Variants in TXK observed in about 807,000 individuals in gnomAD.
TXK encodes TXK tyrosine kinase, also known as tyrosine-protein kinase TXK.
In TXK, 60 loss-of-function variants were observed where a neutral mutation model predicts 81.0. That is an observed-to-expected ratio of 0.74 (90% CI 0.60 to 0.92). The LOEUF is 0.92. Among genes scored for constraint, TXK ranks in the 40% least tolerant of loss-of-function variants. The pLI is 0.00. For missense variants in TXK, 581 were observed against 638.3 expected, an observed-to-expected ratio of 0.91 and a Z score of 0.97; for synonymous variants, 203 against 210.7, an observed-to-expected ratio of 0.96 and a Z score of 0.32.
At chr4:48,127,871 A>G (rs933539637) in intron 1 of TXK, among the ~76,000 whole-genome samples, 3 of 152,128 alleles carry the variant, frequency 2.0e-5, no homozygotes, top group Non-Finnish European at 4.4e-5. Flanking sequence ...GTCCTCTAGG[A>G]GAGGCTCCTA....
chr4:48,111,525 T>C (rs546893308), intron 4 of TXK, among the ~76,000 whole-genome samples: 8 of 152,324 alleles, frequency 5.3e-5, no homozygotes, highest in Admixed American at 3.9e-4. Context: ...ATGCCAATAG[T>C]ATACCCGCAG....
chr4:48,117,289 T>A (rs2109478055), intron 1 of TXK, among the ~76,000 whole-genome samples: 1 of 152,358 alleles, frequency 6.6e-6, no homozygotes, highest in Middle Eastern at 3.4e-3. Context: ...AAATATCCAT[T>A]CCTGTAGGAT....
intron 9 of TXK, 38 bp downstream of exon 9, chr4:48,089,712 G>T (rs542358682): frequency 1.4e-5 from 21 of 1,553,056 alleles, no homozygotes; most frequent in Admixed American, 1.7e-5. Context: ...TTTACTACTG[G>T]ATTTGCTATT....
intron 1 of TXK, among the ~76,000 whole-genome samples, chr4:48,119,639 A>G (rs1028412905): frequency 6.8e-6 from 1 of 147,504 alleles, no homozygotes; most frequent in Admixed American, 6.7e-5. Context: ...ACAAAAATAA[A>G]ATAAATTACT....
In TXK at chr4:48,104,505, ATATATATAATATATAATATTATATATT is replaced by A. The variant is rs1718371518; in HGVS notation, c.501+369_501+395del. On this transcript the variant is annotated intron_variant, in intron 6 of 14. Transcript: ENST00000264316. Reference sequence around the variant, plus strand: ...TATATAATATATAATATTATATATTATATATATAATATATAATATTATATATTATATATATTTTATATATATAATATA... The same window carrying A: ...TATATAATATATAATATTATATATTAATATATATTTTATATATATAATATA... 2.7e-3 allele frequency among the ~76,000 whole-genome samples: 14 copies of A among 5,128 alleles called. 5 individuals are homozygous for A. The highest frequency in any genetic ancestry group is 0.011 in the Admixed American group (2 of 184). 3.4% of individuals were successfully genotyped at this position (5,128 alleles called of 152,430 possible). A position where few individuals can be genotyped will look rare whatever the true frequency, so the allele number is the denominator to read the frequency against.
At chr4:48,126,354 TACAGTGTATGATAC>T (rs1171812037) in intron 1 of TXK, among the ~76,000 whole-genome samples, 2 of 152,246 alleles carry the variant, frequency 1.3e-5, no homozygotes, top group Non-Finnish European at 2.9e-5. Context: ...ATTGTAAGAA[TACAGTGTATGATAC>T]ACATAACATA....
At chr4:48,082,295 C>T (rs1717332191) in intron 10 of TXK, among the ~76,000 whole-genome samples, 1 of 152,110 alleles carries the variant, frequency 6.6e-6, no homozygotes, top group Non-Finnish European at 1.5e-5. Flanking sequence ...GGACATGCCT[C>T]ATAACCATTA....
chr4:48,066,446 C>G lies in TXK; in HGVS notation c.*1191G>C, dbSNP rs572029969. On this transcript the variant is annotated 3_prime_UTR_variant, in exon 15 of 15. Transcript: ENST00000264316. ...GAATGTCATTGATATATAAAGATAC[C>G]ATTCTTTGAGTGGGGGAAATATAAT... is the stretch of plus-strand genomic sequence containing the variant. 1 of 152,132 alleles carries G rather than the reference C, an allele frequency of 6.6e-6. No individual in the cohort carries two copies. Among genetic ancestry groups the G allele is most frequent in the Non-Finnish European group, 1.5e-5 (1 of 68,026 alleles). The allele number at this position is 152,132 out of a possible 1,614,324, so 9.4% of individuals were successfully genotyped here.
intron 6 of TXK, among the ~76,000 whole-genome samples, chr4:48,095,790 G>T (rs1717956679): frequency 6.6e-6 from 1 of 152,164 alleles, no homozygotes; most frequent in Admixed American, 6.5e-5. Context: ...TGGTAAAAGG[G>T]AGAACATGAT....
intron 6 of TXK, among the ~76,000 whole-genome samples, chr4:48,100,572 G>C (rs1718155097): frequency 6.6e-6 from 1 of 152,220 alleles, no homozygotes; most frequent in South Asian, 2.1e-4. Flanking sequence ...TGGGAAAACA[G>C]ACTCGCTTAC....
intron 10 of TXK, 156 bp from the exon 11 acceptor site, chr4:48,080,284 C>A (rs561606886): frequency 1.9e-4 from 124 of 640,512 alleles, no homozygotes; most frequent in Admixed American, 9.9e-4. Flanking sequence ...AGTTTCCTTG[C>A]CACTTAATGC....
chr4:48,102,653 T>G (rs1047137229), intron 6 of TXK, among the ~76,000 whole-genome samples: 1 of 152,182 alleles, frequency 6.6e-6, no homozygotes, highest in African/African-American at 2.4e-5. Context: ...CAAGATGACA[T>G]TTATAAGAAA....
At chr4:48,103,297 T>A (rs945924530) in intron 6 of TXK, among the ~76,000 whole-genome samples, 2 of 152,170 alleles carry the variant, frequency 1.3e-5, no homozygotes, top group Non-Finnish European at 2.9e-5. Flanking sequence ...CCACCTGTCA[T>A]AAAATTTTTT....
At chr4:48,110,472 T>C in intron 5 of TXK, 66 bp downstream of exon 5, 4 of 1,154,668 alleles carry the variant, frequency 3.5e-6, no homozygotes, top group South Asian at 1.3e-5. Context: ...CCCAAAACAG[T>C]ATCTATACTT....
rs748528056 is a variant in TXK, at chr4:48,086,667, TAGAA to T, written c.785-34_785-31del. ...AAAAGTAAAACATCCATGTTACAAG[TAGAA>T]AGAAAGACTGTTAAAATATTAGGGC... On this transcript the variant is annotated intron_variant, in intron 9 of 14. Coordinates refer to ENST00000264316, the MANE Select transcript of TXK (RefSeq NM_003328.3). The T allele has an allele frequency of 1.0e-4, 163 of 1,597,584 alleles. 2 individuals are homozygous for T. In the Admixed American group the frequency reaches 2.4e-3, roughly 23 times the overall value.
intron 4 of TXK, 83 bp downstream of exon 4, chr4:48,112,224 G>A (rs185975798): frequency 1.6e-6 from 2 of 1,260,284 alleles, no homozygotes; most frequent in Non-Finnish European, 1.1e-6. Context: ...CATGCAGAGG[G>A]AAGAGTTATA....
At chr4:48,079,010 G>A (rs907694544) in intron 11 of TXK, among the ~76,000 whole-genome samples, 1 of 152,176 alleles carries the variant, frequency 6.6e-6, no homozygotes, top group African/African-American at 2.4e-5. Context: ...GATAGGTTAG[G>A]TGGTTAATTA....
rs1717540922 is a variant in TXK, at chr4:48,086,604, A to G, written c.818T>C (p.Phe273Ser). Residue 273 changes from phenylalanine to serine, a missense_variant, in exon 10 of 15, where the codon TTT (phenylalanine) becomes TCT (serine). Coordinates refer to ENST00000264316, the MANE Select transcript of TXK (RefSeq NM_003328.3). ...CTGACCGCTTCCAATCTCCTTTATAAAAGCCAACTCAGATGGATCTATCTC... is the reference window on the plus strand; with the variant it reads ...CTGACCGCTTCCAATCTCCTTTATAGAAGCCAACTCAGATGGATCTATCTC... The part of the protein sequence containing the change: ...KWEIDPSELA[F>S]IKEIGSGQFG... 6.2e-7 allele frequency: 1 copy of G among 1,613,962 alleles called. No homozygotes were observed. Among genetic ancestry groups the G allele is most frequent in the Non-Finnish European group, 8.5e-7 (1 of 1,179,982 alleles).
In TXK at chr4:48,071,618, T is replaced by G. The variant is rs780517944; in HGVS notation, c.1414A>C (p.Asn472His). Residue 472 changes from asparagine (N) to histidine (H), a missense_variant, in exon 14 of 15, where the codon AAT (asparagine) becomes CAT (histidine). Transcript: ENST00000264316. ...GAAATAGCTTCCACGACTTGCAAAT[T>G]TGACTTATTTTCAAAAGGCATTTTT... ...EGKMPFENKS[N>H]LQVVEAISEG... 3 of 1,614,040 alleles carry G rather than the reference T, an allele frequency of 1.9e-6. No individual in the cohort carries two copies. The highest frequency in any genetic ancestry group is 2.5e-6 in the Non-Finnish European group (3 of 1,180,028).
Sources: allele counts gnomAD v4.1 joint callset (sites outside exome capture counted in the v4.1 genomes callset), GRCh38; gene constraint gnomAD v4.1.1; transcripts MANE v1.5; gene names NCBI Gene and HGNC (gene_info 2026-07-23, HGNC 2026-07-21).